The following NXPH1 variants were observed in gnomAD, a reference collection of about 807,000 sequenced individuals.
NXPH1 encodes the protein neurexophilin 1.
In NXPH1, 5 loss-of-function variants were observed where a neutral mutation model predicts 23.7. That is an observed-to-expected ratio of 0.21 (90% confidence interval 0.11 to 0.44). The LOEUF (loss-of-function observed/expected upper bound fraction) is 0.44. NXPH1 is among the 20% of genes least tolerant of loss of function. The pLI is 0.99. For missense variants in NXPH1, 324 were observed against 321.6 expected, an observed-to-expected ratio of 1.01 and a Z score of -0.06; for synonymous variants, 144 against 122.2, an observed-to-expected ratio of 1.18 and a Z score of -1.18.
chr7:8,546,742 G>T (rs1188687780), intron 2 of NXPH1, among the ~76,000 whole-genome samples: 1 of 151,324 alleles, frequency 6.6e-6, no homozygotes, highest in Non-Finnish European at 1.5e-5. Flanking sequence ...CCTACCATAA[G>T]CTTGTCTAGG....
chr7:8,724,188 C>T (rs1471709752), intron 2 of NXPH1, among the ~76,000 whole-genome samples: 2 of 152,140 alleles, frequency 1.3e-5, no homozygotes, highest in African/African-American at 4.8e-5. Flanking sequence ...CAGCAGTTAC[C>T]ACAAAAGTTC....
intron 2 of NXPH1, among the ~76,000 whole-genome samples, chr7:8,491,841 G>C (rs1817252683): frequency 6.6e-6 from 1 of 152,068 alleles, no homozygotes; most frequent in African/African-American, 2.4e-5. Flanking sequence ...TTCTTTTGCA[G>C]CTTCAGCTGA....
chr7:8,621,490 C>CTTTTTTTTTTTTTTTTTTTTTTTTTT (rs113473603), intron 2 of NXPH1, among the ~76,000 whole-genome samples: 7 of 140,284 alleles, frequency 5.0e-5, no homozygotes, highest in East Asian at 4.7e-4. Context: ...GCTAGCCACT[C>CTTTTTTTTTTTTTTTTTTTTTTTTTT]TTTTTTTTTT....
chr7:8,577,700 G>A (rs1046854924), intron 2 of NXPH1, among the ~76,000 whole-genome samples: 1 of 152,164 alleles, frequency 6.6e-6, no homozygotes, highest in Non-Finnish European at 1.5e-5. Flanking sequence ...GTGCCCTTGT[G>A]TAGTCTCCTT....
intron 2 of NXPH1, among the ~76,000 whole-genome samples, chr7:8,712,139 A>C (rs757508693): frequency 2.0e-5 from 3 of 152,230 alleles, no homozygotes; most frequent in Non-Finnish European, 4.4e-5. Flanking sequence ...GACTCTTAGG[A>C]GCTAGATTCA....
At chr7:8,516,265 C>T (rs545752901) in intron 2 of NXPH1, among the ~76,000 whole-genome samples, 3 of 152,182 alleles carry the variant, frequency 2.0e-5, no homozygotes, top group South Asian at 4.1e-4. Flanking sequence ...CGCAATTTCT[C>T]ATGCTTTATC....
intron 2 of NXPH1, among the ~76,000 whole-genome samples, chr7:8,562,838 C>A (rs1429171839): frequency 2.6e-5 from 4 of 151,600 alleles, no homozygotes; most frequent in African/African-American, 9.7e-5. Flanking sequence ...AAACATATCT[C>A]TAGTTATCTC....
chr7:8,554,143 G>C (rs939537092), intron 2 of NXPH1, among the ~76,000 whole-genome samples: 2 of 151,088 alleles, frequency 1.3e-5, no homozygotes, highest in Non-Finnish European at 3.0e-5. Context: ...TGGGACTCAG[G>C]GAGCTTATAA....
chr7:8,533,700 G>A (rs547648665), intron 2 of NXPH1, among the ~76,000 whole-genome samples: 1 of 152,156 alleles, frequency 6.6e-6, no homozygotes, highest in South Asian at 2.1e-4. Flanking sequence ...AATTCTTTCT[G>A]TAAATAAAAA....
intron 2 of NXPH1, among the ~76,000 whole-genome samples, chr7:8,573,087 GTT>G (rs1194314320): frequency 9.8e-5 from 14 of 143,466 alleles, no homozygotes; most frequent in African/African-American, 3.0e-4. Context: ...CTTTCTCTGA[GTT>G]TTTTTTTTTT....
chr7:8,710,470 G>A (rs1779770263), intron 2 of NXPH1, among the ~76,000 whole-genome samples: 1 of 152,106 alleles, frequency 6.6e-6, no homozygotes, highest in South Asian at 2.1e-4. Flanking sequence ...ACATTTTAAA[G>A]AAGCATTTTT....
chr7:8,463,301 T>C (rs929849481), intron 2 of NXPH1, among the ~76,000 whole-genome samples: 3 of 152,242 alleles, frequency 2.0e-5, no homozygotes, highest in Admixed American at 6.5e-5. Context: ...GTATCTTTTT[T>C]TTTTTCATGG....
intron 2 of NXPH1, among the ~76,000 whole-genome samples, chr7:8,557,922 T>A (rs1294528035): frequency 6.6e-6 from 1 of 151,668 alleles, no homozygotes; most frequent in Non-Finnish European, 1.5e-5. Context: ...GATCAGTTCC[T>A]CCCAGTTTAT....
In NXPH1 at chr7:8,650,149, T is replaced by C. The variant is rs1419524250; in HGVS notation, c.55-100859T>C. Among the ~76,000 whole-genome samples, 6 of 152,320 alleles carry C rather than the reference T, an allele frequency of 3.9e-5. No homozygotes were observed. The South Asian group carries it at 6.2e-4, about 16-fold the overall frequency. On this transcript the variant is annotated intron_variant, in intron 2 of 2. Coordinates refer to ENST00000405863, the MANE Select transcript of NXPH1 (RefSeq NM_152745.3). Reference sequence around the variant, plus strand: ...TAGAGAAAAAATAGTCTGTGTGATATAGGAAAATCTGATCCAGCGTCTTTT... The same window carrying C: ...TAGAGAAAAAATAGTCTGTGTGATACAGGAAAATCTGATCCAGCGTCTTTT...
chr7:8,590,795 G>GTT (rs150811025), intron 2 of NXPH1, among the ~76,000 whole-genome samples: 1 of 151,938 alleles, frequency 6.6e-6, no homozygotes, highest in African/African-American at 2.4e-5. Context: ...TATTTATTTA[G>GTT]TTTTTTTGCT....
At chr7:8,483,078 G>A (rs1038525752) in intron 2 of NXPH1, among the ~76,000 whole-genome samples, 4 of 152,100 alleles carry the variant, frequency 2.6e-5, no homozygotes, top group Non-Finnish European at 5.9e-5. Flanking sequence ...TTAATACATT[G>A]CAAATTCCTG....
At chr7:8,548,587 A>C (rs951654171) in intron 2 of NXPH1, among the ~76,000 whole-genome samples, 3 of 151,490 alleles carry the variant, frequency 2.0e-5, no homozygotes, top group Non-Finnish European at 4.4e-5. Context: ...TGTGCCACTG[A>C]CGCTGTCTCT....
At chr7:8,591,262 C>G (rs1819088387) in intron 2 of NXPH1, among the ~76,000 whole-genome samples, 1 of 152,000 alleles carries the variant, frequency 6.6e-6, no homozygotes, top group Non-Finnish European at 1.5e-5. Context: ...TCCTATTTTG[C>G]TGATGAGGAA....
In NXPH1 at chr7:8,599,041, G is replaced by A. The variant is rs112485305; in HGVS notation, c.55-151967G>A. 4.3e-3 allele frequency among the ~76,000 whole-genome samples: 656 copies of A among 152,236 alleles called. 1 individual carries two copies. The highest frequency in any genetic ancestry group is 7.4e-3 in the Non-Finnish European group (502 of 68,012). ...GGTATAATTGGATGAATCAGCCAGG[G>A]ACCCTCTTTAAAGGAGTTTGTGATA... On this transcript the variant is annotated intron_variant, in intron 2 of 2. Coordinates refer to ENST00000405863, the MANE Select transcript of NXPH1 (RefSeq NM_152745.3).
Sources: allele counts gnomAD v4.1 joint callset (sites outside exome capture counted in the v4.1 genomes callset), GRCh38; gene constraint gnomAD v4.1.1; transcripts MANE v1.5; gene names NCBI Gene and HGNC (gene_info 2026-07-23, HGNC 2026-07-21).